The following NUBPL variants were observed in gnomAD, a reference collection of about 807,000 sequenced individuals.
NUBPL encodes the protein iron-sulfur cluster transfer protein NUBPL.
A neutral mutation model predicts 45.7 loss-of-function variants in NUBPL; 31 were observed. The ratio of observed to expected loss-of-function variants is 0.68; its 90% CI spans 0.51 to 0.92. The LOEUF (loss-of-function observed/expected upper bound fraction) is 0.92, where lower values mean the gene tolerates loss of function less well. Among genes scored for constraint, NUBPL ranks in the 40% least tolerant of loss-of-function variants. NUBPL has a pLI of 0.00. For missense variants in NUBPL, 401 were observed against 398.7 expected, an observed-to-expected ratio of 1.01 and a Z score of -0.05; for synonymous variants, 144 against 140.9, an observed-to-expected ratio of 1.02 and a Z score of -0.15.
intron 3 of NUBPL, among the ~76,000 whole-genome samples, chr14:31,566,088 T>C (rs1021138446): frequency 6.6e-6 from 1 of 152,200 alleles, no homozygotes; most frequent in Non-Finnish European, 1.5e-5. Context: ...TCATTTAATA[T>C]GTTTAACTGT....
rs533199646 is a variant in NUBPL, at chr14:31,728,481, C to T, written c.513+54907C>T. Among the ~76,000 whole-genome samples the T allele has an allele frequency of 1.2e-4, 18 of 152,154 alleles. No individual in the cohort carries two copies. In the East Asian group the frequency reaches 1.9e-3, roughly 16 times the overall value. ...ATTTGAAAAGTATTTACCAAGTAGA[C>T]GCATTAAGTATTTTGTTAGAACCAC... On this transcript the variant is annotated intron_variant, in intron 6 of 10. Coordinates refer to ENST00000281081, the MANE Select transcript of NUBPL (RefSeq NM_025152.3).
chr14:31,834,636 C>CT (rs1446623355), intron 8 of NUBPL, among the ~76,000 whole-genome samples: 2 of 152,178 alleles, frequency 1.3e-5, no homozygotes, highest in Non-Finnish European at 2.9e-5. Flanking sequence ...TTATTTGTGA[C>CT]TTTCCCCAGG....
chr14:31,652,696 C>G (rs1304276636), intron 4 of NUBPL, among the ~76,000 whole-genome samples: 1 of 152,118 alleles, frequency 6.6e-6, no homozygotes, highest in Non-Finnish European at 1.5e-5. Flanking sequence ...ATAAAACCAT[C>G]AAGTTTGTGA....
intron 6 of NUBPL, among the ~76,000 whole-genome samples, chr14:31,696,186 C>A (rs1421999755): frequency 6.6e-6 from 1 of 152,188 alleles, no homozygotes; most frequent in Non-Finnish European, 1.5e-5. Flanking sequence ...AGATCTCCTG[C>A]TGCAGCCTTC....
intron 6 of NUBPL, among the ~76,000 whole-genome samples, chr14:31,716,464 C>T (rs1460651721): frequency 6.6e-6 from 1 of 152,144 alleles, no homozygotes; most frequent in African/African-American, 2.4e-5. Flanking sequence ...GATGTTAAGA[C>T]AGTTATGACT....
At chr14:31,827,350 TAAA>T (rs11451016) in intron 8 of NUBPL, among the ~76,000 whole-genome samples, 1 of 139,504 alleles carries the variant, frequency 7.2e-6, no homozygotes, top group Admixed American at 7.1e-5. Flanking sequence ...TCTACAAAGT[TAAA>T]AAAAAAAAAA....
intron 4 of NUBPL, among the ~76,000 whole-genome samples, chr14:31,602,086 G>T (rs1014565021): frequency 2.6e-4 from 40 of 152,280 alleles, no homozygotes; most frequent in African/African-American, 9.1e-4. Context: ...CATGTTCTTT[G>T]TAGGGACATG....
chr14:31,662,146 G>A (rs981953806), intron 4 of NUBPL: 3 of 151,796 alleles, frequency 2.0e-5, no homozygotes, highest in Admixed American at 1.3e-4. Flanking sequence ...GTGAGTACCT[G>A]TTAAATTTTA....
chr14:31,749,063 T>G (rs1424882755), intron 6 of NUBPL, among the ~76,000 whole-genome samples: 3 of 152,254 alleles, frequency 2.0e-5, no homozygotes, highest in Non-Finnish European at 4.4e-5. Context: ...GTTGGGATTT[T>G]TAAAAAGAAA....
intron 6 of NUBPL, among the ~76,000 whole-genome samples, chr14:31,679,569 G>A (rs563990347): frequency 1.4e-4 from 21 of 152,174 alleles, no homozygotes; most frequent in South Asian, 4.1e-4. Flanking sequence ...TCAATTAACC[G>A]TATGTGTATC....
intron 6 of NUBPL, among the ~76,000 whole-genome samples, chr14:31,685,511 T>C (rs1595491739): frequency 6.6e-6 from 1 of 152,046 alleles, no homozygotes; most frequent in African/African-American, 2.4e-5. Flanking sequence ...TTAAAGCCTT[T>C]TTTTTTCTTA....
intron 4 of NUBPL, among the ~76,000 whole-genome samples, chr14:31,621,296 T>G (rs1172976283): frequency 6.6e-6 from 1 of 152,080 alleles, no homozygotes; most frequent in East Asian, 1.9e-4. Context: ...GAACGGTTTT[T>G]TTTCTCACTG....
At chr14:31,635,399 T>C (rs2035463967) in intron 4 of NUBPL, among the ~76,000 whole-genome samples, 1 of 152,044 alleles carries the variant, frequency 6.6e-6, no homozygotes, top group Admixed American at 6.6e-5. Context: ...CAGATAGTTG[T>C]AGATATGCGA....
At chr14:31,583,261 C>T (rs777800865) in intron 3 of NUBPL, among the ~76,000 whole-genome samples, 1 of 152,104 alleles carries the variant, frequency 6.6e-6, no homozygotes, top group Non-Finnish European at 1.5e-5. Context: ...GAAAACCTCT[C>T]TTGTTTCTCT....
chr14:31,849,050 A>C (rs2040498321), intron 9 of NUBPL, among the ~76,000 whole-genome samples: 1 of 152,196 alleles, frequency 6.6e-6, no homozygotes, highest in South Asian at 2.1e-4. Context: ...ATGGTTACTA[A>C]AATATCATGT....
chr14:31,628,284 A>C (rs775554568), intron 4 of NUBPL, among the ~76,000 whole-genome samples: 4 of 152,196 alleles, frequency 2.6e-5, no homozygotes, highest in Non-Finnish European at 5.9e-5. Context: ...TTTGAAGTGG[A>C]TCTTATAGCC....
At chr14:31,699,708 T>C (rs1340270035) in intron 6 of NUBPL, among the ~76,000 whole-genome samples, 1 of 152,240 alleles carries the variant, frequency 6.6e-6, no homozygotes, top group Non-Finnish European at 1.5e-5. Flanking sequence ...TTTTGTATTT[T>C]ATACGTTGTA....
intron 3 of NUBPL, among the ~76,000 whole-genome samples, chr14:31,593,330 G>A (rs2034193183): frequency 6.6e-6 from 1 of 151,802 alleles, no homozygotes; most frequent in Admixed American, 6.6e-5. Context: ...TGGCTAACAC[G>A]GTGAAACCCC....
intron 4 of NUBPL, among the ~76,000 whole-genome samples, chr14:31,641,926 T>C (rs2035712965): frequency 6.6e-6 from 1 of 152,232 alleles, no homozygotes; most frequent in Non-Finnish European, 1.5e-5. Context: ...ATTTCTCTGA[T>C]CATTAGTGAT....
Sources: allele counts gnomAD v4.1 joint callset (sites outside exome capture counted in the v4.1 genomes callset), GRCh38; gene constraint gnomAD v4.1.1; transcripts MANE v1.5; gene names NCBI Gene and HGNC (gene_info 2026-07-23, HGNC 2026-07-21).